Variants in CCDC149 observed in about 807,000 individuals in gnomAD.
CCDC149 encodes coiled-coil domain-containing protein 149.
In CCDC149, 45 loss-of-function variants were observed where a neutral mutation model predicts 59.9. That is an observed-to-expected ratio of 0.75 (90% CI 0.59 to 0.96). The LOEUF (loss-of-function observed/expected upper bound fraction) is 0.96, where lower values mean the gene tolerates loss of function less well. Among genes scored for constraint, CCDC149 ranks in the 40% least tolerant of loss-of-function variants. The probability of loss-of-function intolerance (pLI) is 0.00; values close to 1 mark genes in which losing one functional copy is unlikely to be tolerated. For missense variants in CCDC149, 584 were observed against 664.7 expected (o/e 0.88, Z 1.33); for synonymous variants, 245 against 260.6 (o/e 0.94, Z 0.58).
intron 4 of CCDC149, among the ~76,000 whole-genome samples, chr4:24,841,177 T>C (rs2109151797): frequency 6.6e-6 from 1 of 152,272 alleles, no homozygotes; most frequent in South Asian, 2.1e-4. Flanking sequence ...TGCCTTTCAG[T>C]ATGAGGCCAA....
intron 1 of CCDC149, among the ~76,000 whole-genome samples, chr4:24,979,277 A>G (rs1217440843): frequency 6.6e-6 from 1 of 152,192 alleles, no homozygotes; most frequent in Non-Finnish European, 1.5e-5. Flanking sequence ...GCTTGGGTGT[A>G]CACCACCAGG....
intron 4 of CCDC149, among the ~76,000 whole-genome samples, chr4:24,846,662 A>G (rs1717307468): frequency 6.6e-6 from 1 of 152,184 alleles, no homozygotes. Context: ...ATTTCACGGC[A>G]CCAATGACAG....
chr4:24,863,727 G>T (rs189217150), intron 3 of CCDC149, among the ~76,000 whole-genome samples: 248 of 152,308 alleles, frequency 1.6e-3, no homozygotes, highest in African/African-American at 5.7e-3. Flanking sequence ...TTGCTCATAG[G>T]TTATGCCCCT....
At chr4:24,920,600 G>T (rs1386400130) in intron 1 of CCDC149, among the ~76,000 whole-genome samples, 1 of 152,182 alleles carries the variant, frequency 6.6e-6, no homozygotes, top group African/African-American at 2.4e-5. Context: ...AGGGGTGGAT[G>T]AATAGACTCC....
chr4:24,971,224 G>A (rs1400421773), intron 1 of CCDC149, among the ~76,000 whole-genome samples: 1 of 152,206 alleles, frequency 6.6e-6, no homozygotes, highest in Admixed American at 6.5e-5. Context: ...GGTCCTAATA[G>A]TCATAAGTAG....
intron 1 of CCDC149, among the ~76,000 whole-genome samples, chr4:24,895,809 G>C (rs1278499947): frequency 6.6e-6 from 1 of 152,204 alleles, no homozygotes; most frequent in Non-Finnish European, 1.5e-5. Context: ...GGGGCTATGA[G>C]ACCATCCCTT....
chr4:24,803,993 C>A (rs1179591799), downstream of CCDC149, among the ~76,000 whole-genome samples: 2 of 152,142 alleles, frequency 1.3e-5, no homozygotes, highest in Non-Finnish European at 2.9e-5. This position sits in a 1 kb window ranked among gnomAD's most constrained non-coding sequence, Gnocchi z 4.3. Context: ...CCAATTGCAT[C>A]TCTCTGATCT....
At chr4:24,953,701 C>G (rs868754269) in intron 1 of CCDC149, among the ~76,000 whole-genome samples, 2 of 152,026 alleles carry the variant, frequency 1.3e-5, no homozygotes, top group African/African-American at 4.8e-5. Context: ...AGAAACTGTC[C>G]CTGAAAAAGA....
chr4:24,836,058 G>A (rs1004845174), intron 7 of CCDC149, among the ~76,000 whole-genome samples: 2 of 152,140 alleles, frequency 1.3e-5, no homozygotes, highest in Non-Finnish European at 2.9e-5. Flanking sequence ...GGGTGATTAC[G>A]ACAGAAATAG....
At chr4:24,834,434 G>A (rs565122074) in intron 8 of CCDC149, among the ~76,000 whole-genome samples, 33 of 152,208 alleles carry the variant, frequency 2.2e-4, no homozygotes, top group Non-Finnish European at 4.0e-4. Context: ...AAGCTTCTTC[G>A]AAAAAGGCAC....
intron 1 of CCDC149, among the ~76,000 whole-genome samples, chr4:24,946,404 G>C (rs529943996): frequency 6.6e-6 from 1 of 152,244 alleles, no homozygotes; most frequent in South Asian, 2.1e-4. Flanking sequence ...TCTGTACTTA[G>C]CTGGGTTAAA....
chr4:24,856,529 C>A (rs1236373895), intron 3 of CCDC149, among the ~76,000 whole-genome samples: 1 of 152,142 alleles, frequency 6.6e-6, no homozygotes, highest in Non-Finnish European at 1.5e-5. Flanking sequence ...AGAGAGAGAG[C>A]CTTGTAGATA....
chr4:24,955,723 G>A (rs1723446221), intron 1 of CCDC149, among the ~76,000 whole-genome samples: 1 of 152,194 alleles, frequency 6.6e-6, no homozygotes, highest in South Asian at 2.1e-4. Context: ...GAATCCAGGG[G>A]AGGAAGAAAT....
intron 4 of CCDC149, among the ~76,000 whole-genome samples, chr4:24,848,945 A>G (rs1717488536): frequency 6.6e-6 from 1 of 152,218 alleles, no homozygotes; most frequent in Non-Finnish European, 1.5e-5. Flanking sequence ...GAGCTGCACT[A>G]ACCCAGGTTT....
chr4:24,860,615 G>T (rs1345011947), intron 3 of CCDC149, among the ~76,000 whole-genome samples: 1 of 152,174 alleles, frequency 6.6e-6, no homozygotes, highest in East Asian at 1.9e-4. Flanking sequence ...AAACTAAAAA[G>T]CTTCTGCAGA....
intron 1 of CCDC149, among the ~76,000 whole-genome samples, chr4:24,885,158 A>G (rs1222967309): frequency 1.3e-5 from 2 of 152,152 alleles, no homozygotes; most frequent in Non-Finnish European, 2.9e-5. Context: ...CAGGTCAGAA[A>G]GGGCCCGGAT....
At chr4:24,865,616 A>G (rs1397840161) in intron 3 of CCDC149, among the ~76,000 whole-genome samples, 1 of 152,202 alleles carries the variant, frequency 6.6e-6, no homozygotes, top group Non-Finnish European at 1.5e-5. Context: ...CGTAATCTCA[A>G]AATACACACT....
intron 1 of CCDC149, among the ~76,000 whole-genome samples, chr4:24,951,959 A>C (rs528771595): frequency 5.4e-4 from 82 of 152,332 alleles, no homozygotes; most frequent in South Asian, 1.0e-3. Flanking sequence ...GTTTCTGTGA[A>C]GGACGAGACC....
At chr4:24,866,311 AAAAT>A (rs1274266830) in intron 3 of CCDC149, among the ~76,000 whole-genome samples, 8 of 152,134 alleles carry the variant, frequency 5.3e-5, no homozygotes, top group Non-Finnish European at 1.0e-4. Flanking sequence ...GCTTGAAATC[AAAAT>A]AGGAAAAGAC....
Sources: allele counts gnomAD v4.1 joint callset (sites outside exome capture counted in the v4.1 genomes callset), GRCh38; gene constraint gnomAD v4.1.1; non-coding constraint Gnocchi (gnomAD v3.1); transcripts MANE v1.5; gene names NCBI Gene and HGNC (gene_info 2026-07-23, HGNC 2026-07-21).